Variants in RAP2A observed in about 807,000 individuals in gnomAD.
RAP2A encodes ras-related protein Rap-2a.
Under a neutral mutation model 15.1 loss-of-function variants are expected in RAP2A, and 5 were observed. The observed-to-expected ratio is 0.33, with a 90% CI of 0.17 to 0.70. The LOEUF is 0.70. Ranked by LOEUF, RAP2A falls within the 30% of genes least tolerant of loss-of-function variation. The pLI is 0.68. For synonymous variants in RAP2A, 110 were observed against 99.7 expected (o/e 1.10, Z -0.62); for missense variants, 111 against 240.3 (o/e 0.46, Z 3.56).
chr13:97,442,322 T>G (rs1040467669), intron 1 of RAP2A, among the ~76,000 whole-genome samples: 1 of 152,152 alleles, frequency 6.6e-6, no homozygotes, highest in African/African-American at 2.4e-5. Context: ...TTTATTTCTC[T>G]AATACATTTA....
At chr13:97,448,230 G>A (rs1376084451) in intron 1 of RAP2A, among the ~76,000 whole-genome samples, 2 of 152,166 alleles carry the variant, frequency 1.3e-5, no homozygotes, top group Non-Finnish European at 2.9e-5. Context: ...TTGGCCAGAG[G>A]AATGGAAGCC....
In RAP2A at chr13:97,468,873, C is replaced by T. The variant is rs1330234706; in HGVS notation, c.*4431C>T. The T allele has an allele frequency of 2.6e-5, 4 of 152,106 alleles. No homozygotes were observed. Among genetic ancestry groups the T allele is most frequent in the Admixed American group, 6.6e-5 (1 of 15,262 alleles). The allele number at this position is 152,106 out of a possible 1,614,324, so 9.4% of individuals were successfully genotyped here. The stretch of plus-strand genomic sequence containing the variant: ...ATATTATTTGTCTGTTAGAGGTCCA[C>T]GAATGAAAATATATGTAGCTAAAGG... On this transcript the variant is annotated 3_prime_UTR_variant, in exon 2 of 2. Coordinates refer to ENST00000245304, the MANE Select transcript of RAP2A (RefSeq NM_021033.7).
Position 97,434,363 on chromosome 13 carries a change from C to A in RAP2A, c.-108C>A. On this transcript the variant is annotated 5_prime_UTR_variant, in exon 1 of 2. Coordinates refer to ENST00000245304, the MANE Select transcript of RAP2A (RefSeq NM_021033.7). Reference sequence around the variant, plus strand: ...CGCCGCGGCTGTGAGGTGGGGGCGGCAGCGGGAGGCGGCGGGGCGGGCCGC... The same window carrying A: ...CGCCGCGGCTGTGAGGTGGGGGCGGAAGCGGGAGGCGGCGGGGCGGGCCGC... The A allele has an allele frequency of 2.2e-6, 2 of 902,210 alleles. No individual in the cohort carries two copies. Among genetic ancestry groups the A allele is most frequent in the South Asian group, 4.9e-5 (1 of 20,432 alleles). 55.9% of individuals were successfully genotyped at this position (902,210 alleles called of 1,614,324 possible).
At chr13:97,436,724 T>C (rs1317886950) in intron 1 of RAP2A, among the ~76,000 whole-genome samples, 1 of 152,214 alleles carries the variant, frequency 6.6e-6, no homozygotes, top group Non-Finnish European at 1.5e-5. Context: ...AGGAAAAACA[T>C]AGAGTAAAAT....
intron 1 of RAP2A, chr13:97,435,967 A>G (rs2066632416): frequency 6.6e-6 from 1 of 152,180 alleles, no homozygotes; most frequent in African/African-American, 2.4e-5. Context: ...GGACCAAGTT[A>G]TGTGTACCCA....
intron 1 of RAP2A, among the ~76,000 whole-genome samples, chr13:97,450,303 A>G (rs1205685947): frequency 1.3e-5 from 2 of 152,232 alleles, no homozygotes; most frequent in Admixed American, 6.5e-5. Flanking sequence ...AGCAGTTTCA[A>G]ATAACTTGCC....
At chr13:97,453,287 A>G (rs2066710133) in intron 1 of RAP2A, among the ~76,000 whole-genome samples, 1 of 151,144 alleles carries the variant, frequency 6.6e-6, no homozygotes, top group African/African-American at 2.4e-5. Flanking sequence ...AATATCACAA[A>G]CAGAATATTG....
intron 1 of RAP2A, 128 bp from the exon 2 acceptor site, chr13:97,464,077 A>G: frequency 1.2e-6 from 1 of 805,970 alleles, no homozygotes; most frequent in Non-Finnish European, 2.0e-6. Context: ...CAAGTGGTAC[A>G]AATCATTTTC....
intron 1 of RAP2A, among the ~76,000 whole-genome samples, chr13:97,463,587 T>A (rs1430342366): frequency 6.6e-6 from 1 of 152,224 alleles, no homozygotes; most frequent in East Asian, 1.9e-4. Flanking sequence ...TTCTACTACC[T>A]TTTTTCTTGT....
chr13:97,457,263 T>C (rs1219945361), intron 1 of RAP2A, among the ~76,000 whole-genome samples: 1 of 150,822 alleles, frequency 6.6e-6, no homozygotes, highest in Non-Finnish European at 1.5e-5. Context: ...TATATATACA[T>C]ATATATATAT....
intron 1 of RAP2A, among the ~76,000 whole-genome samples, chr13:97,457,243 G>A (rs2066726725): frequency 1.3e-5 from 2 of 151,720 alleles, no homozygotes; most frequent in Non-Finnish European, 1.5e-5. Flanking sequence ...ATAAACACGT[G>A]AGAGATATAT....
At chr13:97,443,166 T>C (rs2066665082) in intron 1 of RAP2A, among the ~76,000 whole-genome samples, 2 of 152,100 alleles carry the variant, frequency 1.3e-5, no homozygotes, top group Admixed American at 1.3e-4. Flanking sequence ...CTGATTCACC[T>C]CTCCCTGTAA....
intron 1 of RAP2A, among the ~76,000 whole-genome samples, chr13:97,450,897 A>G (rs986970148): frequency 1.3e-5 from 2 of 152,206 alleles, no homozygotes; most frequent in Admixed American, 1.3e-4. Flanking sequence ...CCTGAAGAGC[A>G]CTGTGGTCAA....
Position 97,434,308 on chromosome 13 carries a change from TGCCGCCGCCGCCGCCGGCGCCCAGGGG to T in RAP2A, c.-154_-128del, listed in dbSNP as rs1002683500. The T allele has an allele frequency of 6.0e-5, 18 of 298,504 alleles. No individual in the cohort carries two copies. Among genetic ancestry groups the T allele is most frequent in the Non-Finnish European group, 2.4e-5 (5 of 212,498 alleles). The allele number at this position is 298,504 out of a possible 1,614,324, so 18.5% of individuals were successfully genotyped here. A position where few individuals can be genotyped will look rare whatever the true frequency, so the allele number is the denominator to read the frequency against. ...TGCCCAGGGCCGCTGCTCCCTCAGTTGCCGCCGCCGCCGCCGGCGCCCAGGGGGCCGCCGCGGCTGTGAGGTGGGGGC... is the reference window on the plus strand; with the variant it reads ...TGCCCAGGGCCGCTGCTCCCTCAGTTGCCGCCGCGGCTGTGAGGTGGGGGC... On this transcript the variant is annotated 5_prime_UTR_variant, in exon 1 of 2. Transcript: ENST00000245304.
chr13:97,443,424 G>A (rs1295281136), intron 1 of RAP2A, among the ~76,000 whole-genome samples: 1 of 152,158 alleles, frequency 6.6e-6, no homozygotes, highest in Admixed American at 6.5e-5. Flanking sequence ...GTCTTGTTCT[G>A]TTGCCCAGGC....
chr13:97,448,485 A>T (rs2066688915), intron 1 of RAP2A, among the ~76,000 whole-genome samples: 2 of 152,116 alleles, frequency 1.3e-5, no homozygotes, highest in Non-Finnish European at 2.9e-5. Flanking sequence ...AGCTGTTAGT[A>T]AAGTCATCAT....
Position 97,465,984 on chromosome 13 carries a change from C to T in RAP2A, c.*1542C>T, listed in dbSNP as rs78289842. On this transcript the variant is annotated 3_prime_UTR_variant, in exon 2 of 2. Coordinates refer to ENST00000245304, the MANE Select transcript of RAP2A (RefSeq NM_021033.7). ...CTTGTGCAAGTAACCTCTGGTCTTA[C>T]GTGTGTAACTGAGAGAAGAGTGTGT... 0.026 allele frequency: 3,980 copies of T among 152,140 alleles called. 67 individuals carry two copies. Among genetic ancestry groups the T allele is most frequent in the South Asian group, 0.038 (185 of 4,820 alleles). 9.4% of individuals were successfully genotyped at this position (152,140 alleles called of 1,614,324 possible). A position where few individuals can be genotyped will look rare whatever the true frequency, so the allele number is the denominator to read the frequency against.
chr13:97,461,526 T>A (rs1316598439), intron 1 of RAP2A, among the ~76,000 whole-genome samples: 1 of 152,204 alleles, frequency 6.6e-6, no homozygotes, highest in South Asian at 2.1e-4. Flanking sequence ...GAGAATTAGG[T>A]TGATGGTAAG....
chr13:97,440,531 A>G (rs1359132423), intron 1 of RAP2A, among the ~76,000 whole-genome samples: 1 of 152,208 alleles, frequency 6.6e-6, no homozygotes, highest in Non-Finnish European at 1.5e-5. Context: ...GGAAATAGTT[A>G]TGAGTGCTCA....
Sources: allele counts gnomAD v4.1 joint callset (sites outside exome capture counted in the v4.1 genomes callset), GRCh38; gene constraint gnomAD v4.1.1; transcripts MANE v1.5; gene names NCBI Gene and HGNC (gene_info 2026-07-23, HGNC 2026-07-21).